Variants in WDR45B observed in about 807,000 individuals in gnomAD.
WDR45B encodes the protein WD repeat domain phosphoinositide-interacting protein 3.
WDR45B carries 20 observed loss-of-function variants against 44.6 expected under a neutral mutation model. That is an observed-to-expected ratio of 0.45 (90% CI 0.32 to 0.65). The LOEUF (loss-of-function observed/expected upper bound fraction) is 0.65. WDR45B is among the 30% of genes least tolerant of loss of function. WDR45B has a pLI of 0.05. For synonymous variants in WDR45B, 169 were observed against 164.9 expected, an observed-to-expected ratio of 1.02 and a Z score of -0.19; for missense variants, 323 against 430.2, an observed-to-expected ratio of 0.75 and a Z score of 2.20.
At position 82,615,870 on chromosome 17, in the gene WDR45B, A is replaced by G. The variant is rs1190459707; in HGVS notation, c.*49T>C. 2 of 1,569,002 alleles carry G rather than the reference A, an allele frequency of 1.3e-6. No individual in the cohort carries two copies. The highest frequency in any genetic ancestry group is 1.7e-5 in the Admixed American group (1 of 59,912). On this transcript the variant is annotated 3_prime_UTR_variant, in exon 10 of 10. Transcript: ENST00000392325. The stretch of plus-strand genomic sequence containing the variant: ...CCCTGGGGCACTGGCACCAGCCCCG[A>G]GAGTCTGAAGGCGGCAGGTGGTGGG...
chr17:82,641,186 C>T (rs978845970), intron 2 of WDR45B, among the ~76,000 whole-genome samples: 3 of 152,002 alleles, frequency 2.0e-5, no homozygotes, highest in African/African-American at 7.2e-5. Context: ...AGGCTGGTCT[C>T]GAACTCCTGA....
At chr17:82,617,165 T>A in intron 8 of WDR45B, 131 bp downstream of exon 8, 1 of 814,290 alleles carries the variant, frequency 1.2e-6, no homozygotes, top group Non-Finnish European at 2.1e-6. Context: ...TGAAAAAGAT[T>A]TCAGCGCTGA....
intron 3 of WDR45B, chr17:82,629,779 C>T: frequency 1.0e-6 from 1 of 985,416 alleles, no homozygotes; most frequent in South Asian, 4.7e-5. Flanking sequence ...CATCTGGAAC[C>T]TTCTGCCTTT....
intron 3 of WDR45B, chr17:82,629,455 A>C: frequency 1.0e-6 from 1 of 975,220 alleles, no homozygotes; most frequent in Non-Finnish European, 1.2e-6. Context: ...GAGGACTCAC[A>C]AGCCACAGGC....
At chr17:82,642,325 A>T (rs1444072451) in intron 2 of WDR45B, among the ~76,000 whole-genome samples, 1 of 152,160 alleles carries the variant, frequency 6.6e-6, no homozygotes, top group African/African-American at 2.4e-5. Flanking sequence ...CACGCGAGGG[A>T]TGGAGGCTGC....
At chr17:82,616,869 G>A (rs2045544107) in intron 8 of WDR45B, among the ~76,000 whole-genome samples, 1 of 151,984 alleles carries the variant, frequency 6.6e-6, no homozygotes, top group African/African-American at 2.4e-5. Context: ...CCAGGCTGGA[G>A]TGCAGGGGCG....
At chr17:82,619,381 G>C (rs925349674) in intron 6 of WDR45B, among the ~76,000 whole-genome samples, 1 of 151,972 alleles carries the variant, frequency 6.6e-6, no homozygotes, top group Non-Finnish European at 1.5e-5. Flanking sequence ...CCTCCTGACC[G>C]GGCAGGGTGG....
At chr17:82,623,109 C>T (rs867887275) in intron 5 of WDR45B, among the ~76,000 whole-genome samples, 15 of 152,250 alleles carry the variant, frequency 9.9e-5, no homozygotes, top group Admixed American at 8.5e-4. Flanking sequence ...AGAATTCTTA[C>T]GGCCGGGCAC....
In WDR45B at chr17:82,616,719, G is replaced by A. The variant is rs527533601; in HGVS notation, c.807-74C>T. 24 of 1,591,986 alleles carry A rather than the reference G, an allele frequency of 1.5e-5. 1 individual carries two copies. Among genetic ancestry groups the A allele is most frequent in the African/African-American group, 2.7e-5 (2 of 74,172 alleles). Reference sequence around the variant, plus strand: ...AATCACCTGCGTAAGCTCAGAATACGCTGCTGAAAATACGAAAATGCTCCT... The same window carrying A: ...AATCACCTGCGTAAGCTCAGAATACACTGCTGAAAATACGAAAATGCTCCT... On this transcript the variant is annotated intron_variant, in intron 8 of 9. Transcript: ENST00000392325.
At chr17:82,634,125 T>C (rs1457514834) in intron 2 of WDR45B, among the ~76,000 whole-genome samples, 1 of 94,738 alleles carries the variant, frequency 1.1e-5, no homozygotes, top group African/African-American at 4.4e-5. Flanking sequence ...CACGCCAGCC[T>C]GGGTGACACA....
At chr17:82,635,852 G>A (rs1277651653) in intron 2 of WDR45B, among the ~76,000 whole-genome samples, 1 of 151,918 alleles carries the variant, frequency 6.6e-6, no homozygotes, top group African/African-American at 2.4e-5. Flanking sequence ...GGGAGGCCAG[G>A]CCGAGGCAGG....
intron 2 of WDR45B, among the ~76,000 whole-genome samples, chr17:82,640,866 G>A (rs1356744272): frequency 6.6e-6 from 1 of 152,118 alleles, no homozygotes; most frequent in Non-Finnish European, 1.5e-5. Flanking sequence ...AGACACAGCC[G>A]AGCTGGCAGA....
At chr17:82,628,672 G>A (rs1035056697) in intron 3 of WDR45B, among the ~76,000 whole-genome samples, 1 of 152,054 alleles carries the variant, frequency 6.6e-6, no homozygotes, top group Non-Finnish European at 1.5e-5. Flanking sequence ...ACTCCAAGCT[G>A]GGCAACAGAG....
chr17:82,640,260 C>A (rs911456222), intron 2 of WDR45B, among the ~76,000 whole-genome samples: 1 of 152,148 alleles, frequency 6.6e-6, no homozygotes, highest in Admixed American at 6.5e-5. Context: ...CACTGTCATG[C>A]AGGCTTCCTT....
chr17:82,621,226 G>A (rs975627036), intron 6 of WDR45B, among the ~76,000 whole-genome samples: 2 of 151,944 alleles, frequency 1.3e-5, no homozygotes, highest in African/African-American at 4.8e-5. Context: ...GCTAATTTTT[G>A]TATTTTTAGT....
At chr17:82,630,770 C>A (rs1426502893) in intron 3 of WDR45B, 151 bp downstream of exon 3, 9 of 791,306 alleles carry the variant, frequency 1.1e-5, no homozygotes, top group Non-Finnish European at 1.8e-5. Context: ...AGACCTGGTG[C>A]CCTCTTCGCC....
chr17:82,619,038 C>T lies in WDR45B; in HGVS notation c.704+5G>A. ...CTTCTCCGGTGAAGTTGGAGGTGCC[C>T]TTACCAGTAAATATTGGCTGCTTGA... On this transcript the variant is annotated splice_donor_5th_base_variant and intron_variant, in intron 7 of 9. Transcript: ENST00000392325. 1 of 1,614,038 alleles carries T rather than the reference C, an allele frequency of 6.2e-7. No individual in the cohort carries two copies. Among genetic ancestry groups the T allele is most frequent in the Non-Finnish European group, 8.5e-7 (1 of 1,179,914 alleles).
chr17:82,628,812 C>A (rs1369123086), intron 3 of WDR45B, among the ~76,000 whole-genome samples: 1 of 151,990 alleles, frequency 6.6e-6, no homozygotes, highest in Non-Finnish European at 1.5e-5. Flanking sequence ...CCAGCGTGGG[C>A]AACATGTGGA....
Position 82,615,986 on chromosome 17 carries a change from T to G in WDR45B, c.968A>C (p.Asn323Thr), listed in dbSNP as rs574188572. 2 of 1,613,542 alleles carry G rather than the reference T, an allele frequency of 1.2e-6. No homozygotes were observed. The highest frequency in any genetic ancestry group is 4.5e-5 in the East Asian group (2 of 44,834). Residue 323 changes from asparagine to threonine, a missense_variant, in exon 10 of 10, where the codon AAC (asparagine) becomes ACC (threonine). By Grantham distance (65) the Asn-to-Thr change is moderately conservative (BLOSUM62 0). Coordinates refer to ENST00000392325, the MANE Select transcript of WDR45B (RefSeq NM_019613.4). ...ADGSYYKFLF[N>T]PKGECIRDVY... ...ATCTCGGATGCACTCCCCCTTGGGGTTGAACAGGAATTTGTAGTAGCTGCC... is the reference window on the plus strand; with the variant it reads ...ATCTCGGATGCACTCCCCCTTGGGGGTGAACAGGAATTTGTAGTAGCTGCC...
Sources: allele counts gnomAD v4.1 joint callset (sites outside exome capture counted in the v4.1 genomes callset), GRCh38; gene constraint gnomAD v4.1.1; transcripts MANE v1.5; gene names NCBI Gene and HGNC (gene_info 2026-07-23, HGNC 2026-07-21).